The following SCN10A variants were observed in gnomAD, a reference collection of about 807,000 sequenced individuals.
SCN10A encodes sodium channel protein type 10 subunit alpha.
SCN10A carries 162 observed loss-of-function variants against 170.7 expected under a neutral mutation model. That is an observed-to-expected ratio of 0.95 (90% CI 0.84 to 1.08). The LOEUF (loss-of-function observed/expected upper bound fraction) is 1.08, where lower values mean the gene tolerates loss of function less well. Ranked by LOEUF, SCN10A falls within the 50% of genes least tolerant of loss-of-function variation. The probability of loss-of-function intolerance (pLI) is 0.00; values close to 1 mark genes in which losing one functional copy is unlikely to be tolerated. For synonymous variants in SCN10A, 985 were observed against 904.6 expected (o/e 1.09, Z -1.59); for missense variants, 2,527 against 2,436.9 (o/e 1.04, Z -0.78).
intron 26 of SCN10A, among the ~76,000 whole-genome samples, chr3:38,706,929 C>T (rs1179136105): frequency 6.6e-6 from 1 of 152,128 alleles, no homozygotes; most frequent in Non-Finnish European, 1.5e-5. Flanking sequence ...GACCATGATA[C>T]ATAACCACAC....
In SCN10A at chr3:38,763,563, G is replaced by A; in HGVS notation, c.633C>T (p.Ile211=). The change falls in exon 6 of 28, where the codon ATC becomes ATT. Residue 211 remains isoleucine, a synonymous_variant. Transcript: ENST00000449082. ...YVGTAIDLRG[I]SGLRTFRVLR... ...GAACTCTGAATGTCCGCAGGCCTGA[G>A]ATCCCACGGAGATCTATTGCTGTGC... The A allele has an allele frequency of 6.2e-7, 1 of 1,614,104 alleles. No individual in the cohort carries two copies. The highest frequency in any genetic ancestry group is 8.5e-7 in the Non-Finnish European group (1 of 1,179,966).
In SCN10A at chr3:38,805,132, T is replaced by C. The variant is rs186382731; in HGVS notation, c.-33+10905A>G. On this transcript the variant is annotated intron_variant, in intron 1 of 27. Transcript: ENST00000449082. The stretch of plus-strand genomic sequence containing the variant: ...GAGATACCAAAAGAACAGGCCATGA[T>C]AATGAACTGTTTCAGGTTCATTATC... 2.0e-5 allele frequency among the ~76,000 whole-genome samples: 3 copies of C among 152,254 alleles called. No individual in the cohort carries two copies. In the East Asian group the frequency reaches 5.8e-4, roughly 29 times the overall value.
chr3:38,805,063 T>C (rs2064396938), intron 1 of SCN10A, among the ~76,000 whole-genome samples: 1 of 151,958 alleles, frequency 6.6e-6, no homozygotes, highest in Non-Finnish European at 1.5e-5. Context: ...AAGAGGGTGT[T>C]TGGGATATTG....
intron 15 of SCN10A, 109 bp from the exon 16 acceptor site, chr3:38,729,010 C>A: frequency 7.0e-7 from 1 of 1,418,954 alleles, no homozygotes. Flanking sequence ...CCTCTCATCC[C>A]ATTAAACCAG....
chr3:38,759,376 G>T (rs1326210405), intron 8 of SCN10A, among the ~76,000 whole-genome samples: 1 of 152,006 alleles, frequency 6.6e-6, no homozygotes, highest in Non-Finnish European at 1.5e-5. Flanking sequence ...ACCTGGAATG[G>T]TCTTCGCTGA....
At chr3:38,753,078 C>A (rs1029392840) in intron 11 of SCN10A, among the ~76,000 whole-genome samples, 1 of 152,144 alleles carries the variant, frequency 6.6e-6, no homozygotes, top group Non-Finnish European at 1.5e-5. Context: ...TTTCTAGGAT[C>A]CCTCGAGGCT....
intron 18 of SCN10A, 123 bp from the exon 19 acceptor site, chr3:38,723,676 T>C (rs889253041): frequency 8.4e-7 from 1 of 1,188,956 alleles, no homozygotes; most frequent in African/African-American, 1.5e-5. Flanking sequence ...CCTGGAACAC[T>C]GCTCTTCTCC....
At position 38,707,363 on chromosome 3, in the gene SCN10A, G is replaced by C; in HGVS notation, c.4302C>G (p.Phe1434Leu). 1 of 1,614,134 alleles carries C rather than the reference G, an allele frequency of 6.2e-7. No individual in the cohort carries two copies. Among genetic ancestry groups the C allele is most frequent in the Non-Finnish European group, 8.5e-7 (1 of 1,180,008 alleles). Residue 1434 changes from phenylalanine to leucine, a missense_variant, in exon 26 of 28, where the codon TTC (phenylalanine) becomes TTG (leucine). Physicochemically the swap from Phe to Leu is conservative, Grantham distance 22 (BLOSUM62 0). Transcript: ENST00000449082. ...QKKKLGGQDIFMTEEQKKYYN... is the reference protein window; with the variant it reads ...QKKKLGGQDILMTEEQKKYYN... ...AGTATTTCTTCTGCTCCTCTGTCAT[G>C]AAGATGTCCTGGCCCCCTAAGTGCA...
At chr3:38,735,501 T>A (rs935059599) in intron 15 of SCN10A, among the ~76,000 whole-genome samples, 2 of 152,258 alleles carry the variant, frequency 1.3e-5, no homozygotes, top group African/African-American at 4.8e-5. Flanking sequence ...CTTCCCAAAT[T>A]GACCTATCAA....
At chr3:38,746,617 C>G (rs544426243) in intron 13 of SCN10A, among the ~76,000 whole-genome samples, 1 of 152,190 alleles carries the variant, frequency 6.6e-6, no homozygotes, top group Admixed American at 6.5e-5. Flanking sequence ...GGGATCTGGC[C>G]CCAACTCATC....
At chr3:38,747,807 C>G (rs1441649974) in intron 13 of SCN10A, among the ~76,000 whole-genome samples, 2 of 152,214 alleles carry the variant, frequency 1.3e-5, no homozygotes, top group Non-Finnish European at 2.9e-5. Flanking sequence ...TCCTCAGCTT[C>G]TTACATAGCT....
chr3:38,802,545 T>C (rs1334904851), intron 1 of SCN10A, among the ~76,000 whole-genome samples: 4 of 152,002 alleles, frequency 2.6e-5, no homozygotes, highest in African/African-American at 4.8e-5. Context: ...TTACCCATTA[T>C]TGAAAGGAGT....
At chr3:38,803,162 G>T (rs2064383969) in intron 1 of SCN10A, among the ~76,000 whole-genome samples, 1 of 152,194 alleles carries the variant, frequency 6.6e-6, no homozygotes, top group South Asian at 2.1e-4. Flanking sequence ...AGGTGCTGGA[G>T]AGGATGTGGA....
At chr3:38,799,051 A>G (rs895944246) in intron 1 of SCN10A, among the ~76,000 whole-genome samples, 2 of 152,044 alleles carry the variant, frequency 1.3e-5, no homozygotes, top group African/African-American at 4.8e-5. Context: ...CCAAAGTGCT[A>G]GGATTCTGGC....
At chr3:38,764,051 A>G (rs925342361) in intron 5 of SCN10A, among the ~76,000 whole-genome samples, 2 of 152,196 alleles carry the variant, frequency 1.3e-5, no homozygotes, top group African/African-American at 2.4e-5. Context: ...CAAGAACCCC[A>G]GGCCATACAA....
At chr3:38,783,006 T>C (rs1375424227) in intron 4 of SCN10A, among the ~76,000 whole-genome samples, 1 of 152,054 alleles carries the variant, frequency 6.6e-6, no homozygotes, top group Admixed American at 6.6e-5. Context: ...TGGGAAAGAC[T>C]CTCTTTCTAG....
intron 1 of SCN10A, among the ~76,000 whole-genome samples, chr3:38,808,204 A>G (rs550351163): frequency 6.6e-6 from 1 of 151,568 alleles, no homozygotes; most frequent in Non-Finnish European, 1.5e-5. Flanking sequence ...ACTTACTAAA[A>G]CCCACCAGCT....
In SCN10A at chr3:38,793,983, T is replaced by C. The variant is rs2064320166; in HGVS notation, c.28A>G (p.Thr10Ala). The C allele has an allele frequency of 3.1e-6, 5 of 1,613,868 alleles. No individual in the cohort carries two copies. Among genetic ancestry groups the C allele is most frequent in the Middle Eastern group, 3.3e-4 (2 of 6,084 alleles). The change falls in exon 2 of 28, where the codon ACT (threonine) becomes GCT (alanine). Residue 10 changes from threonine (T) to alanine (A), a missense_variant. Thr to Ala is a moderately conservative substitution (Grantham distance 58). Transcript: ENST00000449082. ...GGAGTAAAGCGACGGAAGTTGTTAG[T>C]TTCGAGGGATCCAATGGGGAATTCC... MEFPIGSLE[T>A]NNFRRFTPES...
intron 6 of SCN10A, 90 bp downstream of exon 6, chr3:38,763,413 CTT>C: frequency 2.0e-6 from 2 of 1,005,278 alleles, no homozygotes; most frequent in Non-Finnish European, 3.1e-6. Context: ...GGACAATAGT[CTT>C]TGCCCTGGAA....
Sources: gnomAD v4.1 joint callset for allele counts (sites outside exome capture counted in the v4.1 genomes callset) on GRCh38, gnomAD v4.1.1 for gene constraint, MANE v1.5 for transcripts, NCBI Gene and HGNC (gene_info 2026-07-23, HGNC 2026-07-21) for gene names.